GRP: variants seen among roughly 807,000 people sequenced by gnomAD.
GRP encodes the protein gastrin-releasing peptide.
GRP carries 11 observed loss-of-function variants against 12.7 expected under a neutral mutation model. The observed-to-expected ratio is 0.87, with a 90% CI of 0.55 to 1.44. GRP has a LOEUF of 1.44. Ranked by LOEUF, GRP falls within the 40% of genes most tolerant of loss-of-function variation. The pLI, the probability that GRP is intolerant of heterozygous loss-of-function variation, is 0.00. For synonymous variants in GRP, 84 were observed against 77.7 expected, an observed-to-expected ratio of 1.08 and a Z score of -0.43; for missense variants, 212 against 185.4, an observed-to-expected ratio of 1.14 and a Z score of -0.83.
At chr18:59,221,777 G>T (rs982555208) in intron 1 of GRP, among the ~76,000 whole-genome samples, 1 of 152,124 alleles carries the variant, frequency 6.6e-6, no homozygotes, top group African/African-American at 2.4e-5. Flanking sequence ...CGTCTGTGTC[G>T]TGTGTGCTTT....
At chr18:59,224,512 A>G (rs2069884662) in intron 1 of GRP, among the ~76,000 whole-genome samples, 1 of 152,208 alleles carries the variant, frequency 6.6e-6, no homozygotes, top group South Asian at 2.1e-4. Context: ...AAAGCACCAT[A>G]GTTTTGTTGA....
intron 2 of GRP, among the ~76,000 whole-genome samples, chr18:59,229,072 T>C (rs1389480178): frequency 6.6e-6 from 1 of 152,238 alleles, no homozygotes; most frequent in Non-Finnish European, 1.5e-5. Flanking sequence ...AAGGTCTTTT[T>C]TCTGAATATT....
chr18:59,224,829 A>G lies in GRP; in HGVS notation c.140-663A>G, dbSNP rs144533248. Among the ~76,000 whole-genome samples, 398 of 152,308 alleles carry G rather than the reference A, an allele frequency of 2.6e-3. 3 individuals carry two copies. Among genetic ancestry groups the G allele is most frequent in the African/African-American group, 8.9e-3 (370 of 41,576 alleles). The stretch of plus-strand genomic sequence containing the variant: ...AAAATTCTGCATTTATGCGGCTGTA[A>G]AGTGTTACTCAGGGCTTGTTTTCAA... On this transcript the variant is annotated intron_variant, in intron 1 of 2. Transcript: ENST00000256857.
chr18:59,227,036 TCTTTCTTTCTTTCTTTCTTC>T lies in GRP; in HGVS notation c.382+1315_382+1334del, dbSNP rs1162414152. On this transcript the variant is annotated intron_variant, in intron 2 of 2. Transcript: ENST00000256857. ...TTCTTTCTTTCTTTCTTTCTTTCTTTCTTTCTTTCTTTCTTTCTTCCTTTCTTTCTTTTCTTTCCTTTCTC... is the reference window on the plus strand; with the variant it reads ...TTCTTTCTTTCTTTCTTTCTTTCTTTCTTTCTTTCTTTTCTTTCCTTTCTC... Among the ~76,000 whole-genome samples, 260 of 140,948 alleles carry T rather than the reference TCTTTCTTTCTTTCTTTCTTC, an allele frequency of 1.8e-3. 2 individuals are homozygous for T. Among genetic ancestry groups the T allele is most frequent in the Middle Eastern group, 3.8e-3 (1 of 266 alleles). 92.5% of individuals were successfully genotyped at this position (140,948 alleles called of 152,430 possible). A position where few individuals can be genotyped will look rare whatever the true frequency, so the allele number is the denominator to read the frequency against.
intron 2 of GRP, among the ~76,000 whole-genome samples, chr18:59,229,984 C>A (rs1413649532): frequency 6.6e-6 from 1 of 152,194 alleles, no homozygotes; most frequent in Non-Finnish European, 1.5e-5. Flanking sequence ...AATTGAAATT[C>A]CACATTCCCA....
rs1172062214 is a variant in GRP at position 59,225,577 on chromosome 18, C to A, written c.225C>A (p.Ile75=). Residue 75 remains isoleucine (I), a synonymous_variant, in exon 2 of 3, where the codon ATC becomes ATA. Transcript: ENST00000256857. Reference sequence around the variant, plus strand: ...TGAAGCAGCAGCTGAGAGAGTACATCAGGTGGGAAGAAGCTGCAAGGAATT... The same window carrying A: ...TGAAGCAGCAGCTGAGAGAGTACATAAGGTGGGAAGAAGCTGCAAGGAATT... ...GSLKQQLREY[I]RWEEAARNLL... 1 of 1,613,828 alleles carries A rather than the reference C, an allele frequency of 6.2e-7. No individual in the cohort carries two copies. The highest frequency in any genetic ancestry group is 1.3e-5 in the African/African-American group (1 of 74,884).
chr18:59,227,516 G>A (rs1158116644), intron 2 of GRP, among the ~76,000 whole-genome samples: 3 of 152,100 alleles, frequency 2.0e-5, no homozygotes, highest in Non-Finnish European at 4.4e-5. Context: ...AGTTCCTGTA[G>A]GTGGATATCC....
chr18:59,221,661 G>A (rs1253437542), intron 1 of GRP, among the ~76,000 whole-genome samples: 1 of 152,078 alleles, frequency 6.6e-6, no homozygotes, highest in Non-Finnish European at 1.5e-5. Context: ...GGAACGGTGT[G>A]TTGAACAAGT....
At chr18:59,225,764 G>A (rs755647606) in intron 2 of GRP, 30 bp downstream of exon 2, 17 of 1,607,198 alleles carry the variant, frequency 1.1e-5, no homozygotes, top group African/African-American at 1.3e-5. Flanking sequence ...AAGATGGGGT[G>A]GGAGGTATCT....
At chr18:59,224,183 T>C (rs2069878324) in intron 1 of GRP, among the ~76,000 whole-genome samples, 1 of 152,242 alleles carries the variant, frequency 6.6e-6, no homozygotes, top group African/African-American at 2.4e-5. Context: ...GTAGTCTAGA[T>C]TGTGAACTGA....
intron 2 of GRP, among the ~76,000 whole-genome samples, chr18:59,226,935 TC>T (rs1223363994): frequency 6.6e-6 from 1 of 152,014 alleles, no homozygotes; most frequent in Non-Finnish European, 1.5e-5. Flanking sequence ...TCTTTTTTTT[TC>T]TTTTTTCTTT....
At chr18:59,224,228 ACCTCT>A (rs2069879294) in intron 1 of GRP, among the ~76,000 whole-genome samples, 38 of 152,296 alleles carry the variant, frequency 2.5e-4, no homozygotes, top group Admixed American at 2.3e-3. Context: ...CATCTATGTG[ACCTCT>A]GGCAAGTCTC....
rs755297089 is a variant in GRP at position 59,230,485 on chromosome 18, CAAAAG to C, written c.*19_*23del. ...CAGCAATGATAATGATGGCCTCTCT[CAAAAG>C]AGAAAAACAAAACCCCTAAGAGACT... is the stretch of plus-strand genomic sequence containing the variant. On this transcript the variant is annotated 3_prime_UTR_variant, in exon 3 of 3. Transcript: ENST00000256857. 4 of 1,494,540 alleles carry C rather than the reference CAAAAG, an allele frequency of 2.7e-6. No individual in the cohort carries two copies. The African/African-American group carries it at 5.5e-5, about 21-fold the overall frequency. 92.6% of individuals were successfully genotyped at this position (1,494,540 alleles called of 1,614,324 possible).
intron 2 of GRP, among the ~76,000 whole-genome samples, chr18:59,229,254 C>T (rs72956182): frequency 0.041 from 6,213 of 152,224 alleles, 193 homozygotes; most frequent in African/African-American, 0.089. Flanking sequence ...CATTGCCTCC[C>T]AGTTCCTTGA....
chr18:59,229,185 G>A (rs570937686), intron 2 of GRP, among the ~76,000 whole-genome samples: 1 of 152,286 alleles, frequency 6.6e-6, no homozygotes, highest in African/African-American at 2.4e-5. Flanking sequence ...AAGGAGTAGA[G>A]TAAAGTTGGC....
chr18:59,220,254 C>G lies in GRP; in HGVS notation c.-12C>G. 1 of 1,489,194 alleles carries G rather than the reference C, an allele frequency of 6.7e-7. No individual in the cohort carries two copies. Among genetic ancestry groups the G allele is most frequent in the Non-Finnish European group, 8.9e-7 (1 of 1,123,954 alleles). 92.2% of individuals were successfully genotyped at this position (1,489,194 alleles called of 1,614,324 possible). On this transcript the variant is annotated 5_prime_UTR_variant, in exon 1 of 3. Transcript: ENST00000256857. ...CCTCTCCGGCGCGCTCCAAGGGCTT[C>G]CCGTCGGGACCATGCGCGGCCGTGA... is the stretch of plus-strand genomic sequence containing the variant.
chr18:59,229,381 T>C (rs946530693), intron 2 of GRP, among the ~76,000 whole-genome samples: 4 of 152,186 alleles, frequency 2.6e-5, no homozygotes, highest in African/African-American at 4.8e-5. Flanking sequence ...TCCCTACACA[T>C]TAGCTGGCCC....
intron 1 of GRP, 100 bp downstream of exon 1, chr18:59,220,504 C>T: frequency 9.3e-7 from 1 of 1,078,438 alleles, no homozygotes; most frequent in Non-Finnish European, 1.2e-6. Flanking sequence ...CCTGGCCCAG[C>T]TTTGGGAGCT....
upstream of GRP, chr18:59,220,119 CGGG>C: frequency 1.5e-5 from 6 of 390,794 alleles, no homozygotes; most frequent in African/African-American, 6.5e-5. Context: ...CCCCCCCGCC[CGGG>C]CTTCCATATA....
Sources: allele counts gnomAD v4.1 joint callset (sites outside exome capture counted in the v4.1 genomes callset), GRCh38; gene constraint gnomAD v4.1.1; transcripts MANE v1.5; gene names NCBI Gene and HGNC (gene_info 2026-07-23, HGNC 2026-07-21).